Variants in NDST4 observed in about 807,000 individuals in gnomAD.
The protein encoded by NDST4 is N-heparan sulfate sulfotransferase 4.
NDST4 carries 63 observed loss-of-function variants against 100.8 expected under a neutral mutation model. The observed-to-expected ratio is 0.62, with a 90% confidence interval of 0.51 to 0.77. The LOEUF (loss-of-function observed/expected upper bound fraction) is 0.77, where lower values mean the gene tolerates loss of function less well. Among genes scored for constraint, NDST4 ranks in the 30% least tolerant of loss-of-function variants. NDST4 has a pLI of 0.00. For synonymous variants in NDST4, 377 were observed against 361.8 expected, an observed-to-expected ratio of 1.04 and a Z score of -0.48; for missense variants, 943 against 1,018.4, an observed-to-expected ratio of 0.93 and a Z score of 1.01.
chr4:114,986,793 C>CATATGTGTAT (rs1218840726), intron 2 of NDST4, among the ~76,000 whole-genome samples: 2 of 91,148 alleles, frequency 2.2e-5, no homozygotes, highest in African/African-American at 9.1e-5. Flanking sequence ...TCCAATTATA[C>CATATGTGTAT]ATATATATAT....
chr4:114,978,483 T>C (rs981659912), intron 2 of NDST4, among the ~76,000 whole-genome samples: 3 of 152,058 alleles, frequency 2.0e-5, no homozygotes, highest in East Asian at 3.9e-4. Flanking sequence ...CATTATTAAA[T>C]ATTATCAACT....
At chr4:114,855,150 A>T (rs939695147) in intron 7 of NDST4, among the ~76,000 whole-genome samples, 2 of 151,598 alleles carry the variant, frequency 1.3e-5, no homozygotes, top group African/African-American at 2.4e-5. Context: ...TTTCCTATAG[A>T]GTTGTTTGAA....
At chr4:115,052,073 T>A (rs1481595831) in intron 2 of NDST4, among the ~76,000 whole-genome samples, 1 of 152,188 alleles carries the variant, frequency 6.6e-6, no homozygotes, top group Non-Finnish European at 1.5e-5. Context: ...GTCATTTGTA[T>A]GTCTTCTTTT....
rs1725568344 is a variant in NDST4 at position 114,933,869 on chromosome 4, G to A, written c.1536+1337C>T. Reference sequence around the variant, plus strand: ...GATGAAAGATAACAAAGTTGGCGAGGATGTGGAGAAAGGGGAACATTTGAA... The same window carrying A: ...GATGAAAGATAACAAAGTTGGCGAGAATGTGGAGAAAGGGGAACATTTGAA... On this transcript the variant is annotated intron_variant, in intron 6 of 13. Coordinates refer to ENST00000264363, the MANE Select transcript of NDST4 (RefSeq NM_022569.3). 2.6e-5 allele frequency among the ~76,000 whole-genome samples: 4 copies of A among 152,156 alleles called. No individual in the cohort carries two copies. The South Asian group carries it at 8.3e-4, about 32-fold the overall frequency.
intron 2 of NDST4, among the ~76,000 whole-genome samples, chr4:115,044,056 C>G (rs1295619959): frequency 1.3e-5 from 2 of 152,018 alleles, no homozygotes; most frequent in Non-Finnish European, 2.9e-5. Flanking sequence ...TTTGATGCAT[C>G]CTGTTTAAAA....
intron 2 of NDST4, among the ~76,000 whole-genome samples, chr4:114,994,446 T>C (rs1346003400): frequency 2.0e-5 from 3 of 151,928 alleles, no homozygotes; most frequent in African/African-American, 7.2e-5. Flanking sequence ...ATGCATCCCA[T>C]GAGCCTAAAA....
intron 2 of NDST4, among the ~76,000 whole-genome samples, chr4:115,041,711 T>C (rs1043076206): frequency 6.6e-6 from 1 of 151,592 alleles, no homozygotes; most frequent in Admixed American, 6.6e-5. Context: ...AACCAGAATT[T>C]GGTGTTTTCC....
intron 7 of NDST4, among the ~76,000 whole-genome samples, chr4:114,868,631 T>A (rs1241070168): frequency 6.6e-6 from 1 of 151,996 alleles, no homozygotes; most frequent in African/African-American, 2.4e-5. Flanking sequence ...GAATATATGA[T>A]ATTTAGTTAA....
At chr4:115,016,922 T>C (rs964885675) in intron 2 of NDST4, among the ~76,000 whole-genome samples, 1 of 152,060 alleles carries the variant, frequency 6.6e-6, no homozygotes, top group African/African-American at 2.4e-5. Context: ...GCTATGACCA[T>C]GTGACCAGTT....
chr4:115,061,280 C>T (rs1728813471), intron 2 of NDST4, among the ~76,000 whole-genome samples: 1 of 152,056 alleles, frequency 6.6e-6, no homozygotes, highest in Admixed American at 6.6e-5. Flanking sequence ...TGGGTATATA[C>T]CCAAAGAATT....
intron 1 of NDST4, among the ~76,000 whole-genome samples, chr4:115,103,087 T>C (rs1729766001): frequency 6.6e-6 from 1 of 152,094 alleles, no homozygotes; most frequent in Non-Finnish European, 1.5e-5. Flanking sequence ...TTGGGTGATA[T>C]AACAAGAGTC....
At chr4:114,836,022 G>T (rs1723298642) in intron 11 of NDST4, among the ~76,000 whole-genome samples, 1 of 152,044 alleles carries the variant, frequency 6.6e-6, no homozygotes, top group Non-Finnish European at 1.5e-5. Flanking sequence ...CGTGAGATGG[G>T]TCTCCTGAAT....
At position 114,969,662 on chromosome 4, in the gene NDST4, C is replaced by T. The variant is rs147670593; in HGVS notation, c.1221+768G>A. Among the ~76,000 whole-genome samples, 1,118 of 152,244 alleles carry T rather than the reference C, an allele frequency of 7.3e-3. 23 individuals carry two copies. The highest frequency in any genetic ancestry group is 0.025 in the African/African-American group (1,036 of 41,536). ...GACATAATCTCATTCTTTTTTATGG[C>T]TGCATAGTGTTCCATGGTGTATATA... is the stretch of plus-strand genomic sequence containing the variant. On this transcript the variant is annotated intron_variant, in intron 4 of 13. Coordinates refer to ENST00000264363, the MANE Select transcript of NDST4 (RefSeq NM_022569.3).
intron 4 of NDST4, among the ~76,000 whole-genome samples, chr4:114,958,221 A>T (rs1427525958): frequency 6.6e-6 from 1 of 152,182 alleles, no homozygotes; most frequent in Non-Finnish European, 1.5e-5. Flanking sequence ...ATGCTCTGAA[A>T]TCTTGGTGGA....
At chr4:114,998,354 G>C (rs1287993897) in intron 2 of NDST4, among the ~76,000 whole-genome samples, 5 of 152,110 alleles carry the variant, frequency 3.3e-5, no homozygotes, top group Non-Finnish European at 5.9e-5. Flanking sequence ...ACCTGTTTTA[G>C]TGGAAAGAAT....
chr4:114,867,175 C>T (rs1286281217), intron 7 of NDST4, among the ~76,000 whole-genome samples: 2 of 152,122 alleles, frequency 1.3e-5, no homozygotes, highest in East Asian at 3.9e-4. Flanking sequence ...TCTGCTCTTA[C>T]AATCTTTAAT....
intron 4 of NDST4, among the ~76,000 whole-genome samples, chr4:114,940,869 TTC>T (rs1433742171): frequency 6.6e-6 from 1 of 152,214 alleles, no homozygotes; most frequent in Non-Finnish European, 1.5e-5. Context: ...GCTTTTTCTC[TTC>T]TCTCCTCTGC....
intron 4 of NDST4, among the ~76,000 whole-genome samples, chr4:114,961,527 A>G (rs1214636909): frequency 6.6e-6 from 1 of 152,034 alleles, no homozygotes; most frequent in Admixed American, 6.6e-5. Flanking sequence ...TTGACCTTAT[A>G]CAAATAATAA....
chr4:115,021,290 T>C (rs1293305193), intron 2 of NDST4, among the ~76,000 whole-genome samples: 2 of 151,618 alleles, frequency 1.3e-5, no homozygotes, highest in East Asian at 3.9e-4. Flanking sequence ...ATTCCACATA[T>C]ACATATTCCA....
Sources: allele counts gnomAD v4.1 joint callset (sites outside exome capture counted in the v4.1 genomes callset), GRCh38; gene constraint gnomAD v4.1.1; transcripts MANE v1.5; gene names NCBI Gene and HGNC (gene_info 2026-07-23, HGNC 2026-07-21).